Variants in MYOCOS observed in about 807,000 individuals in gnomAD.
MYOCOS encodes myocilin opposite strand.
At chr1:171,615,202 G>A (rs1388246198) in intron 2 of MYOCOS, among the ~76,000 whole-genome samples, 1 of 152,206 alleles carries the variant, frequency 6.6e-6, no homozygotes, top group African/African-American at 2.4e-5. Context: ...TAGATTGAAA[G>A]AGTGACCAGG....
intron 1 of MYOCOS, among the ~76,000 whole-genome samples, chr1:171,608,701 G>A (rs1274277918): frequency 1.3e-5 from 2 of 151,942 alleles, no homozygotes; most frequent in Admixed American, 6.6e-5. Context: ...GATTACAGGC[G>A]TGAGCCACCA....
At chr1:171,615,725 C>T (rs1453530896) in intron 2 of MYOCOS, among the ~76,000 whole-genome samples, 1 of 152,216 alleles carries the variant, frequency 6.6e-6, no homozygotes, top group Non-Finnish European at 1.5e-5. Flanking sequence ...TTGCTCAAAT[C>T]AATCACGACC....
At chr1:171,605,014 C>T (rs1032341386) in intron 1 of MYOCOS, among the ~76,000 whole-genome samples, 2 of 152,122 alleles carry the variant, frequency 1.3e-5, no homozygotes, top group African/African-American at 2.4e-5. Flanking sequence ...AAGATGCTCT[C>T]CAGAACCAGT....
upstream of MYOCOS, among the ~76,000 whole-genome samples, chr1:171,621,888 G>A (rs371887772): frequency 8.5e-5 from 13 of 152,092 alleles, no homozygotes; most frequent in East Asian, 2.3e-3. Context: ...TGCAAGAAAG[G>A]CAAAATTAAG....
At position 171,625,655 on chromosome 1, in the gene MYOCOS, C is replaced by T. The variant is rs531583673; in HGVS notation, c.96-799C>T. Among the ~76,000 whole-genome samples, 9 of 152,254 alleles carry T rather than the reference C, an allele frequency of 5.9e-5. No individual in the cohort carries two copies. The South Asian group carries it at 1.7e-3, about 28-fold the overall frequency. On this transcript the variant is annotated intron_variant, in intron 2 of 2. Coordinates refer to ENST00000637642, the MANE Select transcript of MYOCOS (RefSeq NM_001391940.1). ...TGGTATACTCCAGCAGAAGGGGAGG[C>T]GAACCCCACAGCCTGGGGATGGGGG...
At chr1:171,621,140 C>G (rs915450049), upstream of MYOCOS, among the ~76,000 whole-genome samples, 15 of 151,984 alleles carry the variant, frequency 9.9e-5, no homozygotes, top group Non-Finnish European at 2.1e-4. Flanking sequence ...CAAGCTGCAC[C>G]CCGACCAACT....
At chr1:171,619,067 T>C (rs1176794963), upstream of MYOCOS, among the ~76,000 whole-genome samples, 2 of 152,234 alleles carry the variant, frequency 1.3e-5, no homozygotes, top group Admixed American at 1.3e-4. Flanking sequence ...TGGATATTTT[T>C]CTATTGCTTC....
upstream of MYOCOS, among the ~76,000 whole-genome samples, chr1:171,621,476 C>T (rs1161182632): frequency 2.0e-5 from 3 of 147,564 alleles, no homozygotes; most frequent in Non-Finnish European, 3.0e-5. Context: ...CCCGGGTTCA[C>T]GCCATTCTCC....
chr1:171,605,336 G>A (rs1652221687), intron 1 of MYOCOS, among the ~76,000 whole-genome samples: 1 of 149,434 alleles, frequency 6.7e-6, no homozygotes, highest in Admixed American at 6.8e-5. Context: ...TCTGTAGGAT[G>A]ACTTAGTTGC....
chr1:171,617,748 T>A (rs1452741683), upstream of MYOCOS, among the ~76,000 whole-genome samples: 1 of 152,140 alleles, frequency 6.6e-6, no homozygotes, highest in Non-Finnish European at 1.5e-5. Flanking sequence ...GGTTTTAAGA[T>A]GGGAGAAATA....
chr1:171,623,957 G>A lies in MYOCOS; in HGVS notation c.74G>A (p.Arg25His), dbSNP rs528034006. The A allele has an allele frequency of 1.8e-5, 7 of 398,520 alleles. No individual in the cohort carries two copies. Among genetic ancestry groups the A allele is most frequent in the South Asian group, 1.3e-4 (1 of 7,842 alleles). 24.7% of individuals were successfully genotyped at this position (398,520 alleles called of 1,614,324 possible). A position where few individuals can be genotyped will look rare whatever the true frequency, so the allele number is the denominator to read the frequency against. ...YKDLTSEVTR[R>H]RVTMITRKEI... ...GACTTGACCTCCGAGGTAACCAGGC[G>A]CCGAGTCACCATGATCACAAGGTAC... The change falls in exon 2 of 3, where the codon CGC becomes CAC. Residue 25 changes from arginine (R) to histidine (H), a missense_variant. Physicochemically the swap from Arg to His is conservative, Grantham distance 29. Transcript: ENST00000637642.
chr1:171,619,440 C>T (rs191579272), upstream of MYOCOS, among the ~76,000 whole-genome samples: 7 of 152,236 alleles, frequency 4.6e-5, no homozygotes, highest in Non-Finnish European at 7.4e-5. Flanking sequence ...CAATCACTTT[C>T]GACGTATCTG....
At chr1:171,615,145 G>C (rs1316005563) in intron 2 of MYOCOS, 1 of 152,258 alleles carries the variant, frequency 6.6e-6, no homozygotes, top group Non-Finnish European at 1.5e-5. Context: ...GAGCAGAGTG[G>C]TAACATGACA....
chr1:171,613,509 C>A (rs1437857204), intron 1 of MYOCOS, among the ~76,000 whole-genome samples: 1 of 152,048 alleles, frequency 6.6e-6, no homozygotes, highest in Non-Finnish European at 1.5e-5. Context: ...TTTCTCTTGG[C>A]TTGCTGGGAC....
At chr1:171,601,120 G>A (rs955495017) in intron 1 of MYOCOS, 1 of 152,320 alleles carries the variant, frequency 6.6e-6, no homozygotes, top group Non-Finnish European at 1.5e-5. Flanking sequence ...CCAGAGCAGT[G>A]CGTAGCAGGC....
At chr1:171,601,584 A>G (rs569721669) in intron 1 of MYOCOS, among the ~76,000 whole-genome samples, 2 of 152,166 alleles carry the variant, frequency 1.3e-5, no homozygotes, top group Non-Finnish European at 2.9e-5. Context: ...TGGAGTCACT[A>G]TGACTCCAGG....
intron 1 of MYOCOS, among the ~76,000 whole-genome samples, chr1:171,606,875 C>T (rs918090583): frequency 3.9e-5 from 6 of 152,028 alleles, no homozygotes; most frequent in South Asian, 4.2e-4. Context: ...GGGTGGATCA[C>T]GAGGTCTGGA....
intron 2 of MYOCOS, among the ~76,000 whole-genome samples, chr1:171,616,552 T>TAAC (rs935205294): frequency 2.6e-5 from 4 of 151,662 alleles, no homozygotes; most frequent in South Asian, 2.1e-4. Flanking sequence ...AATAAATAAA[T>TAAC]AACAACAACA....
At chr1:171,609,148 A>G (rs754316007) in intron 1 of MYOCOS, among the ~76,000 whole-genome samples, 2 of 152,128 alleles carry the variant, frequency 1.3e-5, no homozygotes, top group African/African-American at 4.8e-5. Context: ...TGGCTTACAC[A>G]GGCCCTAATA....
Sources: gnomAD v4.1 joint callset for allele counts (sites outside exome capture counted in the v4.1 genomes callset) on GRCh38, gnomAD v4.1.1 for gene constraint, MANE v1.5 for transcripts, NCBI Gene and HGNC (gene_info 2026-07-23, HGNC 2026-07-21) for gene names.